The following REXO1 variants were observed in gnomAD, a reference collection of about 807,000 sequenced individuals.
The protein encoded by REXO1 is RNA exonuclease 1 homolog, also known as REX1, RNA exonuclease 1 homolog.
REXO1 carries 42 observed loss-of-function variants against 102.6 expected under a neutral mutation model. That is an observed-to-expected ratio of 0.41 (90% confidence interval 0.32 to 0.53). The LOEUF is 0.53. Ranked by LOEUF, REXO1 falls within the 20% of genes least tolerant of loss-of-function variation. The pLI is 0.27. For synonymous variants in REXO1, 908 were observed against 779.1 expected, an observed-to-expected ratio of 1.17 and a Z score of -2.76; for missense variants, 1,819 against 1,732.5, an observed-to-expected ratio of 1.05 and a Z score of -0.89.
intron 1 of REXO1, among the ~76,000 whole-genome samples, 153 bp downstream of exon 1, chr19:1,848,049 G>A (rs750824767): frequency 6.6e-6 from 1 of 152,242 alleles, no homozygotes; most frequent in Non-Finnish European, 1.5e-5. Flanking sequence ...GGGTCCCAGG[G>A]TGGGTGGTTC....
At chr19:1,846,745 C>T (rs976771030) in intron 1 of REXO1, among the ~76,000 whole-genome samples, 3 of 152,102 alleles carry the variant, frequency 2.0e-5, no homozygotes, top group Non-Finnish European at 4.4e-5. Context: ...ACAAAGTTAG[C>T]CAGGCTTGGT....
At chr19:1,832,166 G>A (rs748093732) in intron 1 of REXO1, among the ~76,000 whole-genome samples, 37 of 152,240 alleles carry the variant, frequency 2.4e-4, no homozygotes, top group Non-Finnish European at 5.4e-4. Flanking sequence ...GGGTTTGAAG[G>A]GGAGGAAGGC....
At chr19:1,846,744 G>A (rs1428206628) in intron 1 of REXO1, among the ~76,000 whole-genome samples, 2 of 152,120 alleles carry the variant, frequency 1.3e-5, no homozygotes, top group East Asian at 3.8e-4. Flanking sequence ...TACAAAGTTA[G>A]CCAGGCTTGG....
At chr19:1,822,052 C>A (rs1453702831) in intron 4 of REXO1, 8 of 495,812 alleles carry the variant, frequency 1.6e-5, no homozygotes, top group African/African-American at 1.4e-4. Context: ...ATTGGCTTTG[C>A]CCTGCCCTGC....
chr19:1,845,390 G>A (rs1024483726), intron 1 of REXO1, among the ~76,000 whole-genome samples: 17 of 152,326 alleles, frequency 1.1e-4, no homozygotes, highest in Admixed American at 3.9e-4. Flanking sequence ...GCAGCCCAGC[G>A]CGGTGCTTCA....
rs143010658 is a variant in REXO1, at chr19:1,821,700, G to T, written c.2231-18C>A. ...TGTGGGGGCTGGCGGGGCACAGGGG[G>T]TGTGGGCACAGGGCGAGTGGCTGCC... On this transcript the variant is annotated intron_variant, in intron 4 of 15. Coordinates refer to ENST00000170168, the MANE Select transcript of REXO1 (RefSeq NM_020695.4). 354 of 1,603,364 alleles carry T rather than the reference G, an allele frequency of 2.2e-4. 1 individual carries two copies. In the East Asian group the frequency reaches 7.8e-3, roughly 35 times the overall value.
chr19:1,837,630 T>C (rs1177399239), intron 1 of REXO1, among the ~76,000 whole-genome samples: 1 of 152,178 alleles, frequency 6.6e-6, no homozygotes, highest in African/African-American at 2.4e-5. Flanking sequence ...CAGAGCTTGC[T>C]GTGGAGGCTG....
intron 1 of REXO1, among the ~76,000 whole-genome samples, chr19:1,833,777 G>A (rs765741089): frequency 1.4e-4 from 22 of 152,370 alleles, no homozygotes; most frequent in South Asian, 2.1e-4. Context: ...CCCCAGCCCC[G>A]GAAGCCCGGC....
In REXO1 at chr19:1,827,978, C is replaced by T. The variant is rs764481661; in HGVS notation, c.811G>A (p.Ala271Thr). The T allele has an allele frequency of 6.2e-7, 1 of 1,613,564 alleles. No homozygotes were observed. Among genetic ancestry groups the T allele is most frequent in the Non-Finnish European group, 8.5e-7 (1 of 1,179,840 alleles). ...AAGGGGTCACAGAGCTTCTTGGGAG[C>T]AGGTGTGTAGGGCTCACTGCCGCGG... Reference protein sequence around the residue: ...GSRGSEPYTPAPKKLCDPFGS... With the variant: ...GSRGSEPYTPTPKKLCDPFGS... Residue 271 changes from alanine (A) to threonine (T), a missense_variant, in exon 2 of 16, where the codon GCT becomes ACT. Transcript: ENST00000170168.
chr19:1,845,764 C>T (rs2011507452), intron 1 of REXO1, among the ~76,000 whole-genome samples: 1 of 152,172 alleles, frequency 6.6e-6, no homozygotes, highest in African/African-American at 2.4e-5. Context: ...TCGCCAATGA[C>T]CCGCTGAGCC....
intron 1 of REXO1, among the ~76,000 whole-genome samples, chr19:1,833,857 G>C (rs959382336): frequency 3.9e-5 from 6 of 152,258 alleles, no homozygotes; most frequent in Non-Finnish European, 8.8e-5. Flanking sequence ...TGAAGGGGAG[G>C]TGACAGAGCA....
At chr19:1,842,209 G>C (rs1485818473) in intron 1 of REXO1, among the ~76,000 whole-genome samples, 1 of 141,270 alleles carries the variant, frequency 7.1e-6, no homozygotes, top group Admixed American at 7.1e-5. Flanking sequence ...GCCAGATTCC[G>C]TTGCAAAAAA....
chr19:1,835,458 G>A (rs1427259372), intron 1 of REXO1, among the ~76,000 whole-genome samples: 1 of 152,174 alleles, frequency 6.6e-6, no homozygotes, highest in African/African-American at 2.4e-5. Context: ...TGAGGCAGGA[G>A]AATCACCTAA....
At position 1,816,029 on chromosome 19, in the gene REXO1, G is replaced by A. The variant is rs530762247; in HGVS notation, c.*37C>T. The stretch of plus-strand genomic sequence containing the variant: ...AAGAGGCATGGGGCTAAGGACCAGC[G>A]GGACGGCAGGAGAGGCGGGTGGGAG... On this transcript the variant is annotated 3_prime_UTR_variant, in exon 16 of 16. Coordinates refer to ENST00000170168, the MANE Select transcript of REXO1 (RefSeq NM_020695.4). 2.1e-5 allele frequency: 33 copies of A among 1,541,008 alleles called. No homozygotes were observed. The highest frequency in any genetic ancestry group is 1.7e-4 in the Middle Eastern group (1 of 5,996).
intron 1 of REXO1, among the ~76,000 whole-genome samples, chr19:1,843,029 C>T (rs1297876773): frequency 1.3e-5 from 2 of 152,190 alleles, no homozygotes; most frequent in Non-Finnish European, 2.9e-5. Context: ...CCTCTAACCC[C>T]CTCCACACAG....
chr19:1,825,244 G>C (rs1320545860), intron 3 of REXO1, among the ~76,000 whole-genome samples: 1 of 146,208 alleles, frequency 6.8e-6, no homozygotes, highest in African/African-American at 2.5e-5. Context: ...AAGTTGCAGT[G>C]AGCAGAGATC....
In REXO1 at chr19:1,840,957, G is replaced by A. The variant is rs150713434; in HGVS notation, c.157+7245C>T. 8.0e-4 allele frequency among the ~76,000 whole-genome samples: 122 copies of A among 152,342 alleles called. 1 individual carries two copies. The East Asian group carries it at 0.022, about 27-fold the overall frequency. Reference sequence around the variant, plus strand: ...CTCCTTTCCTGAGGCCGGAAGCAGGGGCAGGTCCCAGAACCCCGGGCTCCA... The same window carrying A: ...CTCCTTTCCTGAGGCCGGAAGCAGGAGCAGGTCCCAGAACCCCGGGCTCCA... On this transcript the variant is annotated intron_variant, in intron 1 of 15. Coordinates refer to ENST00000170168, the MANE Select transcript of REXO1 (RefSeq NM_020695.4).
Position 1,821,613 on chromosome 19 carries a change from C to A in REXO1, c.2300G>T (p.Gly767Val), listed in dbSNP as rs1462629712. The A allele has an allele frequency of 6.2e-7, 1 of 1,613,774 alleles. No homozygotes were observed. The highest frequency in any genetic ancestry group is 8.5e-7 in the Non-Finnish European group (1 of 1,179,892). ...CAATGTGCGTGTTTTCAGCTGCTGG[C>A]CACCTGGCTCAGGGCCGTTGGAGGA... The part of the protein sequence containing the change: ...SQSSNGPEPG[G>V]QQLKTRTLSG... The change falls in exon 5 of 16, where the codon GGC (glycine) becomes GTC (valine). Residue 767 changes from glycine (G) to valine (V), a missense_variant. Transcript: ENST00000170168.
At position 1,828,829 on chromosome 19, in the gene REXO1, G is replaced by A. The variant is rs900308064; in HGVS notation, c.158-198C>T. Among the ~76,000 whole-genome samples the A allele has an allele frequency of 7.3e-4, 111 of 152,252 alleles. 1 individual carries two copies. Among genetic ancestry groups the A allele is most frequent in the Middle Eastern group, 3.2e-3 (1 of 316 alleles). ...CATCTCAGGCCCTGTGCCGGGCCCC[G>A]CCTTGCCCTGACCAATGGGCGCTGG... On this transcript the variant is annotated intron_variant, in intron 1 of 15. Transcript: ENST00000170168.
Sources: allele counts gnomAD v4.1 joint callset (sites outside exome capture counted in the v4.1 genomes callset), GRCh38; gene constraint gnomAD v4.1.1; transcripts MANE v1.5; gene names NCBI Gene and HGNC (gene_info 2026-07-23, HGNC 2026-07-21).